TERF1: variants seen among roughly 807,000 people sequenced by gnomAD.
The protein encoded by TERF1 is telomeric repeat-binding factor 1.
A neutral mutation model predicts 55.1 loss-of-function variants in TERF1; 20 were observed. The ratio of observed to expected loss-of-function variants is 0.36; its 90% CI spans 0.26 to 0.53. The LOEUF (loss-of-function observed/expected upper bound fraction) is 0.53, where lower values mean the gene tolerates loss of function less well. Ranked by LOEUF, TERF1 falls within the 20% of genes least tolerant of loss-of-function variation. The probability of loss-of-function intolerance (pLI) is 0.91; values close to 1 mark genes in which losing one functional copy is unlikely to be tolerated. For missense variants in TERF1, 439 were observed against 535.7 expected (o/e 0.82, Z 1.78); for synonymous variants, 168 against 181.2 (o/e 0.93, Z 0.59).
At chr8:73,015,796 C>T (rs1393024566) in intron 2 of TERF1, among the ~76,000 whole-genome samples, 2 of 152,212 alleles carry the variant, frequency 1.3e-5, no homozygotes, top group Non-Finnish European at 2.9e-5. Context: ...CACTTCACTT[C>T]AGCCTGAGTG....
chr8:73,009,772 G>T (rs1271995790), intron 1 of TERF1: 1 of 153,148 alleles, frequency 6.5e-6, no homozygotes, highest in Non-Finnish European at 1.5e-5. Flanking sequence ...AGTGAGTCGA[G>T]ATCGTGCCAC....
intron 2 of TERF1, among the ~76,000 whole-genome samples, chr8:73,019,692 T>C (rs1808669188): frequency 6.6e-6 from 1 of 152,142 alleles, no homozygotes; most frequent in Non-Finnish European, 1.5e-5. Flanking sequence ...CCCACCTGGC[T>C]CTTCCTGCCC....
At chr8:73,035,952 T>C (rs1809489778) in intron 8 of TERF1, among the ~76,000 whole-genome samples, 2 of 152,216 alleles carry the variant, frequency 1.3e-5, no homozygotes, top group African/African-American at 2.4e-5. Flanking sequence ...GCTGCTACTT[T>C]ATAGATACAA....
At chr8:73,036,135 A>C (rs1202046719) in intron 8 of TERF1, among the ~76,000 whole-genome samples, 1 of 152,232 alleles carries the variant, frequency 6.6e-6, no homozygotes, top group Non-Finnish European at 1.5e-5. Flanking sequence ...AGCTGAGGAA[A>C]ACTCAGAGCC....
At chr8:73,014,809 CTGCTT>C (rs1226271248) in intron 2 of TERF1, among the ~76,000 whole-genome samples, 1 of 152,150 alleles carries the variant, frequency 6.6e-6, no homozygotes, top group Non-Finnish European at 1.5e-5. Context: ...CTGATGTAGT[CTGCTT>C]TGTTTGGGGG....
intron 1 of TERF1, chr8:73,011,583 A>G (rs1808283514): frequency 6.6e-6 from 1 of 152,254 alleles, no homozygotes; most frequent in Non-Finnish European, 1.5e-5. Context: ...TGTTTAGTGT[A>G]ACCACCTTCA....
intron 9 of TERF1, among the ~76,000 whole-genome samples, chr8:73,040,591 A>G (rs1482014): frequency 8.0e-4 from 121 of 152,094 alleles, no homozygotes; most frequent in African/African-American, 2.7e-3. Context: ...ATAGTTTGTT[A>G]TTTATCCTGC....
At chr8:73,032,690 G>A (rs897888124) in intron 8 of TERF1, among the ~76,000 whole-genome samples, 5 of 152,032 alleles carry the variant, frequency 3.3e-5, no homozygotes, top group African/African-American at 4.8e-5. Context: ...AAAGCAATCC[G>A]TGACTGTAGT....
chr8:73,028,595 T>TTTA (rs397758863), intron 6 of TERF1, among the ~76,000 whole-genome samples: 15 of 149,114 alleles, frequency 1.0e-4, no homozygotes, highest in African/African-American at 3.2e-4. Context: ...TTTTTTTTTT[T>TTTA]ACATACAGTC....
At chr8:73,019,188 T>C (rs1037339043) in intron 2 of TERF1, 6 of 152,080 alleles carry the variant, frequency 3.9e-5, no homozygotes, top group Admixed American at 2.6e-4. Flanking sequence ...AAAATGGTAG[T>C]CTATCCACAT....
Position 73,039,206 on chromosome 8 carries a change from C to G in TERF1, c.1130C>G (p.Ala377Gly). The G allele has an allele frequency of 6.2e-7, 1 of 1,600,396 alleles. No individual in the cohort carries two copies. The highest frequency in any genetic ancestry group is 2.2e-5 in the East Asian group (1 of 44,478). Reference protein sequence around the residue: ...SQPVTPEKHRARKRQAWLWEE... With the variant: ...SQPVTPEKHRGRKRQAWLWEE... Reference sequence around the variant, plus strand: ...CCGGTAACTCCTGAAAAACATCGAGCTAGAAAAAGACAGGTATTTGGTTTT... The same window carrying G: ...CCGGTAACTCCTGAAAAACATCGAGGTAGAAAAAGACAGGTATTTGGTTTT... Residue 377 changes from alanine to glycine, a missense_variant, in exon 9 of 10, where the codon GCT becomes GGT. By Grantham distance (60) the Ala-to-Gly change is moderately conservative (BLOSUM62 0). Coordinates refer to ENST00000276603, the MANE Select transcript of TERF1 (RefSeq NM_017489.3).
intron 9 of TERF1, chr8:73,043,042 G>A (rs1009781710): frequency 2.6e-5 from 4 of 152,106 alleles, no homozygotes; most frequent in African/African-American, 9.7e-5. Flanking sequence ...CACAATAGTA[G>A]ACTTTATGAA....
intron 4 of TERF1, 147 bp downstream of exon 4, chr8:73,022,449 ATATGTGATT>A: frequency 2.2e-6 from 1 of 462,234 alleles, no homozygotes; most frequent in Non-Finnish European, 3.7e-6. Context: ...CGCAAGTCAC[ATATGTGATT>A]TAAAATTTTC....
chr8:73,035,301 T>C (rs1809465291), intron 8 of TERF1, among the ~76,000 whole-genome samples: 3 of 152,202 alleles, frequency 2.0e-5, no homozygotes, highest in African/African-American at 7.2e-5. Context: ...TTCAAAATAC[T>C]TTTTCATTTT....
chr8:73,025,037 C>A, intron 5 of TERF1, 66 bp downstream of exon 5: 1 of 984,030 alleles, frequency 1.0e-6, no homozygotes, highest in Non-Finnish European at 1.4e-6. Flanking sequence ...AAGGAGAATA[C>A]TTGAAATAGA....
At chr8:73,032,506 C>T (rs957972769) in intron 8 of TERF1, among the ~76,000 whole-genome samples, 2 of 152,020 alleles carry the variant, frequency 1.3e-5, no homozygotes, top group Admixed American at 1.3e-4. Flanking sequence ...TTGATATTGG[C>T]ATTGCATATC....
chr8:73,024,605 A>G (rs1046225835), intron 4 of TERF1, among the ~76,000 whole-genome samples: 8 of 152,278 alleles, frequency 5.3e-5, no homozygotes, highest in East Asian at 1.9e-4. Flanking sequence ...ATCTTTTTGA[A>G]TCTGTCTAAA....
At chr8:73,016,368 G>A (rs898820282) in intron 2 of TERF1, among the ~76,000 whole-genome samples, 3 of 151,652 alleles carry the variant, frequency 2.0e-5, no homozygotes, top group Non-Finnish European at 4.4e-5. Flanking sequence ...AGACCCCCAC[G>A]TAGCTCTGAA....
chr8:73,025,083 T>C, intron 5 of TERF1, 112 bp downstream of exon 5: 1 of 698,326 alleles, frequency 1.4e-6, no homozygotes, highest in Non-Finnish European at 2.1e-6. Context: ...TTCATTGTGG[T>C]TTTGTAGAAA....
Sources: allele counts gnomAD v4.1 joint callset (sites outside exome capture counted in the v4.1 genomes callset), GRCh38; gene constraint gnomAD v4.1.1; transcripts MANE v1.5; gene names NCBI Gene and HGNC (gene_info 2026-07-23, HGNC 2026-07-21).